Variants in PIBF1 observed in about 807,000 individuals in gnomAD.
The protein encoded by PIBF1 is progesterone immunomodulatory binding factor 1.
A neutral mutation model predicts 112.5 loss-of-function variants in PIBF1; 90 were observed. The ratio of observed to expected loss-of-function variants is 0.80; its 90% CI spans 0.67 to 0.95. The LOEUF (loss-of-function observed/expected upper bound fraction) is 0.95. Among genes scored for constraint, PIBF1 ranks in the 40% least tolerant of loss-of-function variants. The pLI, the probability that PIBF1 is intolerant of heterozygous loss-of-function variation, is 0.00. For synonymous variants in PIBF1, 301 were observed against 288.6 expected, an observed-to-expected ratio of 1.04 and a Z score of -0.44; for missense variants, 915 against 852.3, an observed-to-expected ratio of 1.07 and a Z score of -0.92.
At chr13:72,862,346 A>G (rs79389753) in intron 10 of PIBF1, among the ~76,000 whole-genome samples, 3,335 of 152,300 alleles carry the variant, frequency 0.022, 134 homozygotes, top group African/African-American at 0.076. Flanking sequence ...TGGCATGCCT[A>G]TAGACCCAGG....
intron 9 of PIBF1, among the ~76,000 whole-genome samples, chr13:72,843,885 C>G (rs1315998040): frequency 6.6e-6 from 1 of 152,174 alleles, no homozygotes; most frequent in Non-Finnish European, 1.5e-5. Context: ...CAACAGTCTT[C>G]TCTGTTTTCC....
intron 16 of PIBF1, among the ~76,000 whole-genome samples, chr13:72,994,699 A>G (rs2043591687): frequency 6.6e-6 from 1 of 152,184 alleles, no homozygotes; most frequent in Non-Finnish European, 1.5e-5. Context: ...GAAATACGAG[A>G]TGAAGCCAAT....
chr13:72,974,561 C>T (rs928055867), intron 16 of PIBF1, among the ~76,000 whole-genome samples: 1 of 152,060 alleles, frequency 6.6e-6, no homozygotes, highest in Non-Finnish European at 1.5e-5. Context: ...TCAAGTGATC[C>T]GCCTGCATCA....
intron 6 of PIBF1, 69 bp from the exon 7 acceptor site, chr13:72,826,941 C>A: frequency 1.2e-6 from 1 of 813,364 alleles, no homozygotes; most frequent in Non-Finnish European, 1.9e-6. Context: ...ACATAGTCAA[C>A]CCTTTTAAAG....
intron 10 of PIBF1, among the ~76,000 whole-genome samples, chr13:72,889,288 A>G (rs1594130022): frequency 6.6e-6 from 1 of 152,302 alleles, no homozygotes; most frequent in East Asian, 1.9e-4. Flanking sequence ...GAATCTACCA[A>G]AGACTGAATG....
intron 5 of PIBF1, among the ~76,000 whole-genome samples, chr13:72,814,748 A>G (rs1018627061): frequency 6.6e-6 from 1 of 152,188 alleles, no homozygotes; most frequent in African/African-American, 2.4e-5. Context: ...AAAAAAAAAG[A>G]TGAAAAATAA....
intron 15 of PIBF1, among the ~76,000 whole-genome samples, chr13:72,972,044 A>ATTTTTTT (rs2042908397): frequency 7.5e-6 from 1 of 133,640 alleles, no homozygotes; most frequent in African/African-American, 3.6e-5. Context: ...TTATTTATTT[A>ATTTTTTT]TTTATTTTTT....
chr13:72,827,217 T>C lies in PIBF1; in HGVS notation c.915+99T>C, dbSNP rs536190990. Reference sequence around the variant, plus strand: ...AAGGAGAGACATTTTTTTTGTTATGTAGTTCCTCCCAAAAAGATAAATTTT... The same window carrying C: ...AAGGAGAGACATTTTTTTTGTTATGCAGTTCCTCCCAAAAAGATAAATTTT... On this transcript the variant is annotated intron_variant, in intron 7 of 17. Coordinates refer to ENST00000326291, the MANE Select transcript of PIBF1 (RefSeq NM_006346.4). 2.7e-4 allele frequency: 129 copies of C among 481,942 alleles called. No homozygotes were observed. The East Asian group carries it at 4.5e-3, about 17-fold the overall frequency. 29.9% of individuals were successfully genotyped at this position (481,942 alleles called of 1,614,324 possible).
intron 10 of PIBF1, among the ~76,000 whole-genome samples, chr13:72,855,646 C>G (rs1028608384): frequency 6.6e-6 from 1 of 151,638 alleles, no homozygotes; most frequent in Non-Finnish European, 1.5e-5. Context: ...GAGACTCTGT[C>G]TCAAAAAAAA....
chr13:72,991,774 A>G, intron 16 of PIBF1, among the ~76,000 whole-genome samples: 1 of 150,738 alleles, frequency 6.6e-6, no homozygotes, highest in East Asian at 2.0e-4. Flanking sequence ...GCTGGAGTGC[A>G]GTGGCACGAT....
intron 9 of PIBF1, among the ~76,000 whole-genome samples, chr13:72,846,085 ATCT>A (rs757454056): frequency 3.3e-4 from 50 of 151,860 alleles, no homozygotes; most frequent in Admixed American, 2.0e-3. Context: ...GTTCCTCCTC[ATCT>A]TCTTGACAAC....
intron 16 of PIBF1, among the ~76,000 whole-genome samples, chr13:72,987,731 C>CA (rs1405466746): frequency 6.1e-5 from 9 of 147,534 alleles, no homozygotes; most frequent in Admixed American, 6.1e-4. Context: ...AGGCTGGTCT[C>CA]AAACTCCTGG....
At chr13:72,917,032 G>T in intron 12 of PIBF1, 44 bp from the exon 13 acceptor site, 1 of 1,267,164 alleles carries the variant, frequency 7.9e-7, no homozygotes, top group South Asian at 1.5e-5. Flanking sequence ...TTTTTTAAAG[G>T]AAAAATAAAG....
chr13:72,981,299 A>T (rs921130892), intron 16 of PIBF1, among the ~76,000 whole-genome samples: 12 of 150,842 alleles, frequency 8.0e-5, no homozygotes, highest in African/African-American at 1.4e-4. Context: ...AAATAAAAAT[A>T]AAAAAAAGCT....
chr13:72,958,301 C>T (rs1005237244), intron 14 of PIBF1, among the ~76,000 whole-genome samples: 1 of 101,680 alleles, frequency 9.8e-6, no homozygotes, highest in Admixed American at 1.4e-4. Context: ...CAAAGCAAGA[C>T]CCTATCTCAA....
chr13:72,989,004 C>T (rs1430380526), intron 16 of PIBF1, among the ~76,000 whole-genome samples: 1 of 152,266 alleles, frequency 6.6e-6, no homozygotes, highest in East Asian at 1.9e-4. Context: ...TGCCACTGCA[C>T]TCCAGCCTGG....
intron 17 of PIBF1, among the ~76,000 whole-genome samples, chr13:73,014,747 G>A (rs922069789): frequency 2.6e-5 from 3 of 113,632 alleles, no homozygotes; most frequent in African/African-American, 1.0e-4. Flanking sequence ...CTTGAGTGTA[G>A]TGGCATGATC....
intron 14 of PIBF1, among the ~76,000 whole-genome samples, chr13:72,961,054 T>G (rs1199896828): frequency 6.6e-6 from 1 of 151,886 alleles, no homozygotes; most frequent in Non-Finnish European, 1.5e-5. Flanking sequence ...TTTTAATTTT[T>G]TTTTGAAGAT....
intron 13 of PIBF1, among the ~76,000 whole-genome samples, chr13:72,926,333 A>G (rs2041483143): frequency 6.6e-6 from 1 of 152,250 alleles, no homozygotes; most frequent in Non-Finnish European, 1.5e-5. Flanking sequence ...TCATATGAAT[A>G]GTATGCACAT....
Sources: gnomAD v4.1 joint callset for allele counts (sites outside exome capture counted in the v4.1 genomes callset) on GRCh38, gnomAD v4.1.1 for gene constraint, MANE v1.5 for transcripts, NCBI Gene and HGNC (gene_info 2026-07-23, HGNC 2026-07-21) for gene names.